Variants in FSTL4 observed in about 807,000 individuals in gnomAD.
The protein encoded by FSTL4 is follistatin-related protein 4.
Under a neutral mutation model 78.2 loss-of-function variants are expected in FSTL4, and 28 were observed. That is an observed-to-expected ratio of 0.36 (90% CI 0.27 to 0.49). The LOEUF is 0.49. Ranked by LOEUF, FSTL4 falls within the 20% of genes least tolerant of loss-of-function variation. FSTL4 has a pLI of 0.98. For synonymous variants in FSTL4, 422 were observed against 440.5 expected (o/e 0.96, Z 0.53); for missense variants, 922 against 1,084.9 (o/e 0.85, Z 2.11).
chr5:133,354,147 A>C (rs73788065), intron 4 of FSTL4, among the ~76,000 whole-genome samples: 17,310 of 152,022 alleles, frequency 0.11, 1,111 homozygotes, highest in African/African-American at 0.17. Context: ...ATACAGGACT[A>C]TTATAAGGAT....
chr5:133,326,091 C>T (rs549532358), intron 4 of FSTL4, among the ~76,000 whole-genome samples: 1 of 152,342 alleles, frequency 6.6e-6, no homozygotes, highest in East Asian at 1.9e-4. Flanking sequence ...GGATTTTACT[C>T]CCAGCTCTAA....
the FSTL4 span, among the ~76,000 whole-genome samples, chr5:133,696,990 G>A: frequency 1.3e-5 from 2 of 152,238 alleles, no homozygotes; most frequent in South Asian, 2.1e-4. Context: ...CCTTGGACCA[G>A]ACAATGCAGC....
intron 3 of FSTL4, among the ~76,000 whole-genome samples, chr5:133,522,747 A>C (rs1210353742): frequency 1.3e-5 from 2 of 152,252 alleles, no homozygotes; most frequent in Non-Finnish European, 2.9e-5. Flanking sequence ...ACGGGCATCC[A>C]GCATTCATTC....
At chr5:133,207,256 C>T (rs142756099) in intron 14 of FSTL4, among the ~76,000 whole-genome samples, 8 of 152,224 alleles carry the variant, frequency 5.3e-5, no homozygotes, top group Admixed American at 2.0e-4. Flanking sequence ...TTTACGTATT[C>T]GTTACGTTGT....
chr5:133,511,039 GTT>G (rs1363248942), intron 3 of FSTL4, among the ~76,000 whole-genome samples: 2 of 152,210 alleles, frequency 1.3e-5, no homozygotes, highest in Non-Finnish European at 2.9e-5. Flanking sequence ...AGCTCAAGGA[GTT>G]TTTGCGAGCT....
intron 7 of FSTL4, among the ~76,000 whole-genome samples, chr5:133,240,677 C>CATCTCTTCGCGCATGACTT (rs1751840422): frequency 6.6e-6 from 1 of 152,102 alleles, no homozygotes; most frequent in African/African-American, 2.4e-5. Context: ...GCGCATGACT[C>CATCTCTTCGCGCATGACTT]ATCTCTTCGC....
the FSTL4 span, among the ~76,000 whole-genome samples, chr5:133,642,547 G>A: frequency 6.6e-6 from 1 of 152,092 alleles, no homozygotes; most frequent in Non-Finnish European, 1.5e-5. Flanking sequence ...CCACACTTCT[G>A]TACACCGCCC....
chr5:133,431,726 C>T (rs1209808515), intron 3 of FSTL4, among the ~76,000 whole-genome samples: 1 of 152,196 alleles, frequency 6.6e-6, no homozygotes, highest in Admixed American at 6.5e-5. Flanking sequence ...AACTAAAATA[C>T]AATGGTAGTT....
intron 7 of FSTL4, among the ~76,000 whole-genome samples, chr5:133,240,256 A>C (rs1277458212): frequency 6.6e-6 from 1 of 152,236 alleles, no homozygotes; most frequent in Non-Finnish European, 1.5e-5. Context: ...CCGCGGCTTC[A>C]TTCTTGAAGT....
At chr5:133,596,977 G>A (rs1477775485) in intron 2 of FSTL4, among the ~76,000 whole-genome samples, 1 of 152,094 alleles carries the variant, frequency 6.6e-6, no homozygotes, top group Non-Finnish European at 1.5e-5. Flanking sequence ...AGAGAGAGGC[G>A]AGGCTGGTGG....
chr5:133,221,232 G>C (rs933539427), intron 11 of FSTL4, among the ~76,000 whole-genome samples: 1 of 152,182 alleles, frequency 6.6e-6, no homozygotes, highest in East Asian at 1.9e-4. Flanking sequence ...CATCAGGATG[G>C]ATCAGTGGAT....
the FSTL4 span, among the ~76,000 whole-genome samples, chr5:133,661,797 G>T: frequency 2.0e-5 from 3 of 152,126 alleles, no homozygotes; most frequent in African/African-American, 7.2e-5. Flanking sequence ...TTAAGTGAGG[G>T]CATTACAACA....
At chr5:133,373,938 T>C (rs1755375060) in intron 4 of FSTL4, among the ~76,000 whole-genome samples, 1 of 152,190 alleles carries the variant, frequency 6.6e-6, no homozygotes, top group Admixed American at 6.5e-5. Flanking sequence ...GGAAGTTTCT[T>C]CCCTTAGACT....
chr5:133,558,967 C>A (rs978434308), intron 3 of FSTL4, among the ~76,000 whole-genome samples: 1 of 152,124 alleles, frequency 6.6e-6, no homozygotes, highest in Non-Finnish European at 1.5e-5. Context: ...CCTGGCTCTG[C>A]TCCAGCTGAA....
intron 6 of FSTL4, among the ~76,000 whole-genome samples, chr5:133,259,171 G>A (rs866170015): frequency 4.6e-4 from 67 of 147,140 alleles, no homozygotes; most frequent in Middle Eastern, 6.4e-3. Context: ...GGCTATTAAG[G>A]TGTGTGTGTG....
the FSTL4 span, among the ~76,000 whole-genome samples, chr5:133,639,795 C>A: frequency 6.6e-6 from 1 of 152,176 alleles, no homozygotes; most frequent in African/African-American, 2.4e-5. Context: ...ATCTTATGTG[C>A]TACCAGCTCG....
intron 3 of FSTL4, among the ~76,000 whole-genome samples, chr5:133,402,854 T>C (rs1756267067): frequency 6.6e-6 from 1 of 152,204 alleles, no homozygotes; most frequent in Admixed American, 6.5e-5. Context: ...ACTTTGCTAA[T>C]TGTTCGCATG....
At chr5:133,744,968 G>C in the FSTL4 span, among the ~76,000 whole-genome samples, 2 of 152,204 alleles carry the variant, frequency 1.3e-5, no homozygotes, top group Non-Finnish European at 1.5e-5. Flanking sequence ...GACAGGCTGG[G>C]AGTTGGAGGC....
At chr5:133,462,114 G>A (rs1408607124) in intron 3 of FSTL4, among the ~76,000 whole-genome samples, 1 of 152,256 alleles carries the variant, frequency 6.6e-6, no homozygotes, top group Non-Finnish European at 1.5e-5. Flanking sequence ...GGGCATTGGG[G>A]AGAGAAAGGT....
Sources: gnomAD v4.1 joint callset for allele counts (sites outside exome capture counted in the v4.1 genomes callset) on GRCh38, gnomAD v4.1.1 for gene constraint, MANE v1.5 for transcripts, NCBI Gene and HGNC (gene_info 2026-07-23, HGNC 2026-07-21) for gene names.